Variants in PLCH2 observed in about 807,000 individuals in gnomAD.
The protein encoded by PLCH2 is 1-phosphatidylinositol 4,5-bisphosphate phosphodiesterase eta-2.
PLCH2 carries 98 observed loss-of-function variants against 134.7 expected under a neutral mutation model. The observed-to-expected ratio is 0.73, with a 90% CI of 0.62 to 0.86. The LOEUF (loss-of-function observed/expected upper bound fraction) is 0.86, where lower values mean the gene tolerates loss of function less well. Ranked by LOEUF, PLCH2 falls within the 40% of genes least tolerant of loss-of-function variation. PLCH2 has a pLI of 0.00. For missense variants in PLCH2, 1,994 were observed against 1,986.6 expected (o/e 1.00, Z -0.07); for synonymous variants, 974 against 827.5 (o/e 1.18, Z -3.04).
chr1:2,492,278 A>G (rs1642628425), intron 11 of PLCH2: 1 of 152,212 alleles, frequency 6.6e-6, no homozygotes, highest in South Asian at 2.1e-4. Context: ...ACACCGCAGG[A>G]GAGCTCGAGG....
At chr1:2,466,377 G>T (rs1446548501), upstream of PLCH2, among the ~76,000 whole-genome samples, 1 of 152,206 alleles carries the variant, frequency 6.6e-6, no homozygotes, top group South Asian at 2.1e-4. Context: ...CCTGAGTGGT[G>T]GTAAAGGCAG....
rs548819725 is a variant in PLCH2 at position 2,481,848 on chromosome 1, C to T, written c.645+1536C>T. 1.9e-4 allele frequency among the ~76,000 whole-genome samples: 29 copies of T among 152,312 alleles called. No homozygotes were observed. The East Asian group carries it at 3.7e-3, about 19-fold the overall frequency. On this transcript the variant is annotated intron_variant, in intron 4 of 21. Transcript: ENST00000378486. ...GCATCCTCTCTGGGCCCTGCAGAGC[C>T]GAGAGAAGGAGCCTGCAGCCAGGCT... is the stretch of plus-strand genomic sequence containing the variant.
At chr1:2,468,833 C>A (rs1363831337) in intron 1 of PLCH2, among the ~76,000 whole-genome samples, 1 of 152,100 alleles carries the variant, frequency 6.6e-6, no homozygotes, top group Non-Finnish European at 1.5e-5. Flanking sequence ...CTCTCTGAGC[C>A]TCCATGGGCA....
At chr1:2,496,364 G>A (rs1032689497) in intron 13 of PLCH2, among the ~76,000 whole-genome samples, 11 of 152,190 alleles carry the variant, frequency 7.2e-5, no homozygotes, top group Non-Finnish European at 8.8e-5. Context: ...GGCAGGCCAC[G>A]TCATCCTCCA....
chr1:2,462,243 C>G lies in PLCH2; in HGVS notation c.116-16233C>G, dbSNP rs115781740. Among the ~76,000 whole-genome samples the G allele has an allele frequency of 5.0e-3, 552 of 110,700 alleles. 11 individuals carry two copies. Among genetic ancestry groups the G allele is most frequent in the African/African-American group, 0.019 (510 of 26,938 alleles). The allele number at this position is 110,700 out of a possible 152,430, so 72.6% of individuals were successfully genotyped here. ...ACCTGACACCCCCGCCTGACACCTC[C>G]TCTGATACCCTCTGCCTGACACCCC... On this transcript the variant is annotated intron_variant, in intron 2 of 3. Coordinates refer to the PLCH2 transcript ENST00000609981.
chr1:2,448,248 G>A lies in PLCH2; in HGVS notation c.115+17619G>A, dbSNP rs1342683272. The stretch of plus-strand genomic sequence containing the variant: ...CCGTGCACTGGCCACTAAAAACGCC[G>A]CACGCTTATTCTCTCGCAGTCCTGG... On this transcript the variant is annotated intron_variant, in intron 2 of 3. Transcript: ENST00000609981. The surrounding 1 kb of genome is among the most constrained non-coding windows in gnomAD (Gnocchi z 4.0). Among the ~76,000 whole-genome samples the A allele has an allele frequency of 6.6e-6, 1 of 152,312 alleles. No homozygotes were observed. Among genetic ancestry groups the A allele is most frequent in the Admixed American group, 6.5e-5 (1 of 15,306 alleles).
In PLCH2 at chr1:2,450,713, GCCCCCCGCTCCCCGCCTA is replaced by G. The variant is rs1322657798; in HGVS notation, c.115+20102_115+20119del. ...CCGCCTGCCCCCCCGCTCCCCGCCT[GCCCCCCGCTCCCCGCCTA>G]CCCCCCGCTCCCCGCCTGCTGACTG... On this transcript the variant is annotated intron_variant, in intron 2 of 3. Transcript: ENST00000609981. Among the ~76,000 whole-genome samples, 50 of 16,820 alleles carry G rather than the reference GCCCCCCGCTCCCCGCCTA, an allele frequency of 3.0e-3. 1 individual carries two copies. Among genetic ancestry groups the G allele is most frequent in the South Asian group, 0.011 (4 of 360 alleles). 11.0% of individuals were successfully genotyped at this position (16,820 alleles called of 152,430 possible).
chr1:2,425,210 G>GC (rs796634346), upstream of PLCH2, among the ~76,000 whole-genome samples: 7 of 150,380 alleles, frequency 4.7e-5, no homozygotes, highest in African/African-American at 1.7e-4. Context: ...TTGCTTGGGC[G>GC]CATGCACACA....
upstream of PLCH2, among the ~76,000 whole-genome samples, chr1:2,471,897 G>A (rs933447343): frequency 6.6e-6 from 1 of 152,176 alleles, no homozygotes. Flanking sequence ...CCTCCACAAC[G>A]CCCCCACCTC....
intron 1 of PLCH2, among the ~76,000 whole-genome samples, chr1:2,467,857 TC>T (rs1233668629): frequency 1.3e-5 from 2 of 152,032 alleles, no homozygotes; most frequent in Non-Finnish European, 2.9e-5. Context: ...TACCTGCACA[TC>T]CCTCAGACTC....
At chr1:2,429,494 G>A (rs558139820) in intron 1 of PLCH2, among the ~76,000 whole-genome samples, 1 of 152,300 alleles carries the variant, frequency 6.6e-6, no homozygotes, top group South Asian at 2.1e-4. Context: ...TGGTGGAAAG[G>A]CGGGTTCTGG....
At chr1:2,416,031 C>T in the PLCH2 span, among the ~76,000 whole-genome samples, 1 of 152,222 alleles carries the variant, frequency 6.6e-6, no homozygotes, top group Non-Finnish European at 1.5e-5. Flanking sequence ...CCCCATCCCC[C>T]CACCAACACC....
Position 2,505,094 on chromosome 1 carries a change from A to AC in PLCH2, c.4137dup (p.Glu1380ArgfsTer30). 6.5e-7 allele frequency: 1 copy of AC among 1,539,218 alleles called. No homozygotes were observed. The highest frequency in any genetic ancestry group is 8.7e-7 in the Non-Finnish European group (1 of 1,150,346). On this transcript the variant is annotated frameshift_variant, in exon 22 of 22. Coordinates refer to ENST00000378486, the MANE Select transcript of PLCH2 (RefSeq NM_014638.4). LOFTEE classifies it high-confidence loss of function. ...GGGACCCCCAGAAGAGGAGCGGGGCACCCCCGAGGGCGCCTGCTCCGTGGG... is the reference window on the plus strand; with the variant it reads ...GGGACCCCCAGAAGAGGAGCGGGGCACCCCCCGAGGGCGCCTGCTCCGTGGG...
rs1445934710 is a variant in PLCH2 at position 2,502,220 on chromosome 1, C to T, written c.2770C>T (p.Arg924Trp). ...CCCGGCCCGGCCCTCCGTTAGCCAG[C>T]GGATCCTGCGGCGCACGGCCAGCGC... ...RPPARPSVSQRILRRTASAPT... is the reference protein window; with the variant it reads ...RPPARPSVSQWILRRTASAPT... Residue 924 changes from arginine to tryptophan, a missense_variant, in exon 21 of 22, where the codon CGG becomes TGG. Arg to Trp is a moderately radical substitution (Grantham distance 101, BLOSUM62 -3). Transcript: ENST00000378486. The T allele has an allele frequency of 8.4e-6, 13 of 1,540,252 alleles. No individual in the cohort carries two copies. The highest frequency in any genetic ancestry group is 2.8e-5 in the African/African-American group (2 of 72,498).
chr1:2,465,784 G>T (rs1304803080), upstream of PLCH2, among the ~76,000 whole-genome samples: 3 of 152,146 alleles, frequency 2.0e-5, no homozygotes, highest in African/African-American at 7.2e-5. Flanking sequence ...CTGGCCCTGA[G>T]GATGGATTAT....
chr1:2,470,255 C>T (rs778304600), intron 1 of PLCH2, among the ~76,000 whole-genome samples: 5 of 152,216 alleles, frequency 3.3e-5, no homozygotes, highest in Non-Finnish European at 7.3e-5. Flanking sequence ...CAGGGGCAGC[C>T]CTGTGCCCTT....
chr1:2,454,387 G>C (rs183574714), intron 2 of PLCH2, among the ~76,000 whole-genome samples: 36 of 152,338 alleles, frequency 2.4e-4, no homozygotes, highest in Middle Eastern at 6.8e-3. Flanking sequence ...TGCTCAGGAA[G>C]GGGTTGATGG....
rs910583183 is a variant in PLCH2 at position 2,444,309 on chromosome 1, C to T, written c.115+13680C>T. Among the ~76,000 whole-genome samples, 1 of 152,228 alleles carries T rather than the reference C, an allele frequency of 6.6e-6. No individual in the cohort carries two copies. Among genetic ancestry groups the T allele is most frequent in the African/African-American group, 2.4e-5 (1 of 41,468 alleles). The stretch of plus-strand genomic sequence containing the variant: ...CCTGCTGAGCCCAGGCCGGGCACCC[C>T]GATCCCTGCCGGATGGTGCCGCAGG... On this transcript the variant is annotated intron_variant, in intron 2 of 3. Transcript: ENST00000609981. The surrounding 1 kb of genome is among the most constrained non-coding windows in gnomAD (Gnocchi z 4.6).
intron 11 of PLCH2, chr1:2,492,545 A>G (rs2100701588): frequency 6.6e-6 from 1 of 152,496 alleles, no homozygotes; most frequent in Admixed American, 6.5e-5. Flanking sequence ...AGGCACAGCC[A>G]CGAAGGTTGG....
Sources: gnomAD v4.1 joint callset for allele counts (sites outside exome capture counted in the v4.1 genomes callset) on GRCh38, gnomAD v4.1.1 for gene constraint, Gnocchi (gnomAD v3.1) non-coding constraint, MANE v1.5 for transcripts, NCBI Gene and HGNC (gene_info 2026-07-23, HGNC 2026-07-21) for gene names.